The following RHEX variants were observed in gnomAD, a reference collection of about 807,000 sequenced individuals.
The protein encoded by RHEX is regulator of hemoglobinization and erythroid cell expansion protein.
A neutral mutation model predicts 20.1 loss-of-function variants in RHEX; 18 were observed. That is an observed-to-expected ratio of 0.90 (90% confidence interval 0.62 to 1.33). RHEX has a LOEUF of 1.33. Among genes scored for constraint, RHEX ranks in the 40% most tolerant of loss-of-function variants. The pLI is 0.00. For missense variants in RHEX, 192 were observed against 214.3 expected, an observed-to-expected ratio of 0.90 and a Z score of 0.65; for synonymous variants, 87 against 77.1, an observed-to-expected ratio of 1.13 and a Z score of -0.67.
chr1:206,102,001 T>A lies in RHEX; in HGVS notation c.*49T>A. On this transcript the variant is annotated 3_prime_UTR_variant, in exon 6 of 6. Coordinates refer to ENST00000331555, the MANE Select transcript of RHEX (RefSeq NM_001007544.4). Reference sequence around the variant, plus strand: ...CCAGTTCTCTATGGATTCTTACATTTAATTTGTAGGGAAATGCCATTTTTC... The same window carrying A: ...CCAGTTCTCTATGGATTCTTACATTAAATTTGTAGGGAAATGCCATTTTTC... The A allele has an allele frequency of 6.9e-7, 1 of 1,441,534 alleles. No homozygotes were observed. 89.3% of individuals were successfully genotyped at this position (1,441,534 alleles called of 1,614,324 possible). A position where few individuals can be genotyped will look rare whatever the true frequency, so the allele number is the denominator to read the frequency against.
intron 1 of RHEX, among the ~76,000 whole-genome samples, chr1:206,069,132 G>T (rs1662483877): frequency 6.6e-6 from 1 of 152,300 alleles, no homozygotes; most frequent in East Asian, 1.9e-4. Context: ...CCCAACTAGG[G>T]GTGAGTTTGC....
chr1:206,088,387 A>G (rs1169663262), intron 1 of RHEX, among the ~76,000 whole-genome samples: 1 of 152,198 alleles, frequency 6.6e-6, no homozygotes, highest in Admixed American at 6.5e-5. Flanking sequence ...AATTATTGTT[A>G]ATGAAATATT....
chr1:206,056,439 C>T (rs1662196631), intron 1 of RHEX: 1 of 152,394 alleles, frequency 6.6e-6, no homozygotes, highest in East Asian at 1.9e-4. Flanking sequence ...AGAACTGTTT[C>T]CAGTATATAC....
chr1:206,096,458 C>A (rs1220324174), intron 1 of RHEX, among the ~76,000 whole-genome samples: 2 of 152,248 alleles, frequency 1.3e-5, no homozygotes, highest in Non-Finnish European at 2.9e-5. Context: ...ATTTTCATTT[C>A]TTTCACGATA....
chr1:206,056,553 T>C (rs1662198509), intron 1 of RHEX: 2 of 152,254 alleles, frequency 1.3e-5, no homozygotes. Context: ...ATAATGCTAT[T>C]CTATCCAAGG....
intron 2 of RHEX, 75 bp downstream of exon 2, chr1:206,097,914 A>G: frequency 7.9e-7 from 1 of 1,271,172 alleles, no homozygotes; most frequent in African/African-American, 1.5e-5. Context: ...AAGCACACAT[A>G]GCACCCTTCC....
intron 1 of RHEX, among the ~76,000 whole-genome samples, chr1:206,076,085 G>A (rs1662631411): frequency 6.6e-6 from 1 of 151,858 alleles, no homozygotes; most frequent in African/African-American, 2.4e-5. Context: ...GCAAAAACTT[G>A]TTGTTTTCTG....
intron 1 of RHEX, among the ~76,000 whole-genome samples, chr1:206,087,182 C>G (rs75547741): frequency 0.029 from 4,444 of 152,316 alleles, 125 homozygotes; most frequent in Admixed American, 0.076. Context: ...CTTGTGTGGT[C>G]GCTTTGCAGT....
At chr1:206,075,018 T>C (rs1258209644) in intron 1 of RHEX, among the ~76,000 whole-genome samples, 3 of 152,238 alleles carry the variant, frequency 2.0e-5, no homozygotes, top group African/African-American at 7.2e-5. Context: ...ACTGTGTTTT[T>C]TTGCTCATTC....
chr1:206,077,880 G>A (rs1258321589), intron 1 of RHEX, among the ~76,000 whole-genome samples: 1 of 152,214 alleles, frequency 6.6e-6, no homozygotes, highest in African/African-American at 2.4e-5. Flanking sequence ...CTGTGAATAA[G>A]TGGAAGAAAA....
chr1:206,074,507 C>T (rs1477833379), intron 1 of RHEX, among the ~76,000 whole-genome samples: 1 of 152,150 alleles, frequency 6.6e-6, no homozygotes, highest in Admixed American at 6.5e-5. Flanking sequence ...AATTCACATA[C>T]CACACATTTC....
intron 1 of RHEX, among the ~76,000 whole-genome samples, chr1:206,073,034 C>T (rs1311147310): frequency 2.0e-5 from 3 of 151,948 alleles, no homozygotes; most frequent in African/African-American, 4.8e-5. Flanking sequence ...GACAGGGTTT[C>T]GCCATATTCC....
chr1:206,058,301 T>TCA (rs2102303436), intron 1 of RHEX, among the ~76,000 whole-genome samples: 1 of 152,338 alleles, frequency 6.6e-6, no homozygotes, highest in East Asian at 1.9e-4. Flanking sequence ...TAACCTTAGT[T>TCA]CACCAAAATG....
In RHEX at chr1:206,098,140, G is replaced by A; in HGVS notation, c.71G>A (p.Cys24Tyr). 1 of 1,614,034 alleles carries A rather than the reference G, an allele frequency of 6.2e-7. No individual in the cohort carries two copies. The highest frequency in any genetic ancestry group is 8.5e-7 in the Non-Finnish European group (1 of 1,179,936). ...GTGGTGTCCCTCTTCCTGCAGGCCT[G>A]CTTCCTCACCGCCATCAACTACCTG... ...IAVVSLFLQA[C>Y]FLTAINYLLS... Residue 24 changes from cysteine to tyrosine, a missense_variant, in exon 3 of 6, where the codon TGC becomes TAC. Physicochemically the swap from Cys to Tyr is radical, Grantham distance 194. Coordinates refer to ENST00000331555, the MANE Select transcript of RHEX (RefSeq NM_001007544.4).
intron 1 of RHEX, among the ~76,000 whole-genome samples, chr1:206,063,185 T>C (rs1295796088): frequency 6.6e-6 from 1 of 152,112 alleles, no homozygotes; most frequent in African/African-American, 2.4e-5. Flanking sequence ...GCAAAGGCCC[T>C]GAGGTAGACG....
chr1:206,066,906 G>A (rs1240278955), intron 1 of RHEX, among the ~76,000 whole-genome samples: 1 of 152,320 alleles, frequency 6.6e-6, no homozygotes, highest in East Asian at 1.9e-4. Context: ...AAGGCACAAA[G>A]CCACTTTGTG....
At chr1:206,075,705 A>G (rs1461220804) in intron 1 of RHEX, among the ~76,000 whole-genome samples, 2 of 151,414 alleles carry the variant, frequency 1.3e-5, no homozygotes, top group Non-Finnish European at 2.9e-5. Context: ...GGTTCAAGCG[A>G]TTCTCCTGCC....
chr1:206,097,745 C>G lies in RHEX; in HGVS notation c.-84C>G. The stretch of plus-strand genomic sequence containing the variant: ...TTACCTCTTGCAGATCTCCAGCACC[C>G]TGCCGGTGGCACTACTGAGAGACGA... On this transcript the variant is annotated 5_prime_UTR_variant, in exon 2 of 6. Coordinates refer to ENST00000331555, the MANE Select transcript of RHEX (RefSeq NM_001007544.4). 6.2e-7 allele frequency: 1 copy of G among 1,613,304 alleles called. No individual in the cohort carries two copies. The highest frequency in any genetic ancestry group is 1.3e-5 in the African/African-American group (1 of 75,022).
chr1:206,101,979 G>C lies in RHEX; in HGVS notation c.*27G>C. ...TTCCAAATATTTTTAATGGGGTCCA[G>C]TTCTCTATGGATTCTTACATTTAAT... On this transcript the variant is annotated 3_prime_UTR_variant, in exon 6 of 6. Transcript: ENST00000331555. The C allele has an allele frequency of 1.3e-6, 2 of 1,516,178 alleles. No individual in the cohort carries two copies. The highest frequency in any genetic ancestry group is 2.3e-5 in the East Asian group (1 of 44,382). 93.9% of individuals were successfully genotyped at this position (1,516,178 alleles called of 1,614,324 possible). A position where few individuals can be genotyped will look rare whatever the true frequency, so the allele number is the denominator to read the frequency against.
Sources: allele counts gnomAD v4.1 joint callset (sites outside exome capture counted in the v4.1 genomes callset), GRCh38; gene constraint gnomAD v4.1.1; transcripts MANE v1.5; gene names NCBI Gene and HGNC (gene_info 2026-07-23, HGNC 2026-07-21).